FCN2: variants seen among roughly 807,000 people sequenced by gnomAD.
FCN2 encodes the protein ficolin 2.
In FCN2, 31 loss-of-function variants were observed where a neutral mutation model predicts 32.5. The ratio of observed to expected loss-of-function variants is 0.96; its 90% confidence interval spans 0.72 to 1.29. FCN2 has a LOEUF of 1.29. Among genes scored for constraint, FCN2 ranks in the 50% most tolerant of loss-of-function variants. The pLI, the probability that FCN2 is intolerant of heterozygous loss-of-function variation, is 0.00. For missense variants in FCN2, 412 were observed against 406.5 expected (o/e 1.01, Z -0.12); for synonymous variants, 181 against 164.5 (o/e 1.10, Z -0.77).
At chr9:134,877,195 T>C (rs1157858564), upstream of FCN2, among the ~76,000 whole-genome samples, 1 of 152,244 alleles carries the variant, frequency 6.6e-6, no homozygotes, top group Non-Finnish European at 1.5e-5. Flanking sequence ...TTTAATTTAC[T>C]CTTGTTTTTC....
chr9:134,871,482 G>A, the FCN2 span, among the ~76,000 whole-genome samples: 4 of 152,222 alleles, frequency 2.6e-5, no homozygotes, highest in Non-Finnish European at 4.4e-5. Context: ...CTGTGCCGCC[G>A]CTGCGTGCTC....
the FCN2 span, among the ~76,000 whole-genome samples, chr9:134,872,918 C>A: frequency 2.7e-4 from 41 of 152,296 alleles, no homozygotes; most frequent in Non-Finnish European, 3.7e-4. Context: ...AGCGGGTCCT[C>A]CACATCCTTG....
chr9:134,886,341 C>A, intron 6 of FCN2, 89 bp from the exon 7 acceptor site: 1 of 1,517,372 alleles, frequency 6.6e-7, no homozygotes, highest in South Asian at 1.1e-5. Flanking sequence ...GAGTCCAGAC[C>A]TCCTTCCAGG....
chr9:134,881,047 G>A, intron 1 of FCN2, 126 bp downstream of exon 1: 1 of 732,298 alleles, frequency 1.4e-6, no homozygotes, highest in Non-Finnish European at 2.5e-6. Flanking sequence ...TAACGAGACA[G>A]CAGCTCTGCA....
At chr9:134,874,074 G>T in the FCN2 span, among the ~76,000 whole-genome samples, 129,086 of 151,942 alleles carry the variant, frequency 0.85, 55,190 homozygotes, top group East Asian at 0.98. Context: ...GCCACCACAC[G>T]CGGCTAATTT....
the FCN2 span, among the ~76,000 whole-genome samples, chr9:134,875,353 G>A: frequency 6.6e-6 from 1 of 152,130 alleles, no homozygotes; most frequent in Non-Finnish European, 1.5e-5. Flanking sequence ...TTCCTTCCGT[G>A]GTAGACAGGC....
At chr9:134,883,418 C>A (rs1053604540) in intron 3 of FCN2, 63 bp downstream of exon 3, 5 of 1,453,888 alleles carry the variant, frequency 3.4e-6, no homozygotes, top group Non-Finnish European at 4.8e-6. Context: ...TGCAGAGGAA[C>A]GTGAGGCGGG....
At chr9:134,885,744 T>C (rs771343697) in intron 5 of FCN2, 24 bp from the exon 6 acceptor site, 12 of 1,613,896 alleles carry the variant, frequency 7.4e-6, no homozygotes, top group Non-Finnish European at 8.5e-6. Context: ...CCCCCCCGGC[T>C]CCTGTCCCCT....
Position 134,886,549 on chromosome 9 carries a change from G to A in FCN2, c.679G>A (p.Val227Met), listed in dbSNP as rs777271233. The change falls in exon 7 of 8, where the codon GTG becomes ATG. Residue 227 changes from valine (V) to methionine (M), a missense_variant. By Grantham distance (21) the Val-to-Met change is conservative. Coordinates refer to ENST00000291744, the MANE Select transcript of FCN2 (RefSeq NM_004108.3). ...GTACAATCTGGTCCTGGGGGCCTTC[G>A]TGGAGGGCAGTGCGGGTGAGTGTCT... ...EKYNLVLGAF[V>M]EGSAGDSLTF... 1.7e-5 allele frequency: 28 copies of A among 1,614,000 alleles called. No individual in the cohort carries two copies. The highest frequency in any genetic ancestry group is 3.3e-5 in the Admixed American group (2 of 59,994).
chr9:134,872,420 G>T, the FCN2 span, among the ~76,000 whole-genome samples: 1 of 151,994 alleles, frequency 6.6e-6, no homozygotes, highest in Non-Finnish European at 1.5e-5. Flanking sequence ...TAGATATATG[G>T]TTTCATTTCT....
the FCN2 span, among the ~76,000 whole-genome samples, chr9:134,875,248 CT>C: frequency 6.6e-6 from 1 of 152,190 alleles, no homozygotes; most frequent in East Asian, 1.9e-4. Context: ...TGGACACCTT[CT>C]CTTGCTCTTG....
the FCN2 span, among the ~76,000 whole-genome samples, chr9:134,864,698 C>T: frequency 2.0e-5 from 3 of 152,092 alleles, no homozygotes; most frequent in Non-Finnish European, 4.4e-5. Flanking sequence ...AACCTTAGAG[C>T]GATCACACTC....
chr9:134,880,344 T>A (rs1190631304), upstream of FCN2, among the ~76,000 whole-genome samples: 1 of 151,956 alleles, frequency 6.6e-6, no homozygotes, highest in Non-Finnish European at 1.5e-5. Flanking sequence ...CTGAGGAGAG[T>A]CCCAAGTCTG....
chr9:134,882,717 A>G lies in FCN2; in HGVS notation c.214+78A>G, dbSNP rs4370609. 7,646 of 1,016,700 alleles carry G rather than the reference A, an allele frequency of 7.5e-3. 362 individuals are homozygous for G. In the African/African-American group the frequency reaches 0.11, roughly 14 times the overall value. 63.0% of individuals were successfully genotyped at this position (1,016,700 alleles called of 1,614,324 possible). ...TGCTGAGTTGGGCAACACCCCCACC[A>G]TGGTTCCTAGATCGAGAGCTGGGTC... On this transcript the variant is annotated intron_variant, in intron 2 of 7. Transcript: ENST00000291744.
intron 7 of FCN2, 113 bp downstream of exon 7, chr9:134,886,677 C>A (rs868393649): frequency 8.3e-7 from 1 of 1,200,936 alleles, no homozygotes; most frequent in East Asian, 2.3e-5. Context: ...CCTCTCTGAG[C>A]CAATTCGTCC....
At chr9:134,871,788 G>A in the FCN2 span, among the ~76,000 whole-genome samples, 1 of 152,172 alleles carries the variant, frequency 6.6e-6, no homozygotes, top group African/African-American at 2.4e-5. Flanking sequence ...GAGCCTAGAG[G>A]GGTGTACTTG....
intron 2 of FCN2, among the ~76,000 whole-genome samples, chr9:134,883,001 C>G (rs963702315): frequency 6.6e-6 from 1 of 152,132 alleles, no homozygotes; most frequent in African/African-American, 2.4e-5. Flanking sequence ...AACTGAGGCT[C>G]AGAGAGTCCA....
chr9:134,875,982 C>T (rs749355652), upstream of FCN2, among the ~76,000 whole-genome samples: 41 of 152,116 alleles, frequency 2.7e-4, no homozygotes, highest in African/African-American at 9.9e-4. Context: ...TTTTGGAGAG[C>T]CTTTTTCATC....
chr9:134,868,498 C>A, the FCN2 span: 1 of 159,712 alleles, frequency 6.3e-6, no homozygotes, highest in Non-Finnish European at 1.4e-5. The surrounding 1 kb of genome is among the most constrained non-coding windows in gnomAD (Gnocchi z 4.3). Flanking sequence ...GTCAGAGGTT[C>A]TCTCCACACA....
Sources: allele counts gnomAD v4.1 joint callset (sites outside exome capture counted in the v4.1 genomes callset), GRCh38; gene constraint gnomAD v4.1.1; non-coding constraint Gnocchi (gnomAD v3.1); transcripts MANE v1.5; gene names NCBI Gene and HGNC (gene_info 2026-07-23, HGNC 2026-07-21).